The following GRAMD2B variants were observed in gnomAD, a reference collection of about 807,000 sequenced individuals.
GRAMD2B encodes the protein GRAM domain containing 2B, also known as GRAM domain-containing protein 2B.
GRAMD2B carries 41 observed loss-of-function variants against 59.2 expected under a neutral mutation model. The observed-to-expected ratio is 0.69, with a 90% CI of 0.54 to 0.90. GRAMD2B has a LOEUF of 0.90. Among genes scored for constraint, GRAMD2B ranks in the 40% least tolerant of loss-of-function variants. The pLI is 0.00. For synonymous variants in GRAMD2B, 161 were observed against 182.7 expected (o/e 0.88, Z 0.96); for missense variants, 424 against 500.5 (o/e 0.85, Z 1.46).
At chr5:126,449,570 A>G (rs1023608953) in intron 1 of GRAMD2B, among the ~76,000 whole-genome samples, 3 of 152,250 alleles carry the variant, frequency 2.0e-5, no homozygotes, top group Non-Finnish European at 4.4e-5. Flanking sequence ...ACGTATGTCT[A>G]ATATGAGGGT....
chr5:126,360,984 C>T (rs1754192488), intron 1 of GRAMD2B, among the ~76,000 whole-genome samples: 1 of 152,188 alleles, frequency 6.6e-6, no homozygotes. Context: ...GTTTTATGAG[C>T]TCCTTGTAAG....
intron 1 of GRAMD2B, among the ~76,000 whole-genome samples, chr5:126,384,260 T>C (rs547924873): frequency 2.0e-5 from 3 of 152,290 alleles, no homozygotes; most frequent in South Asian, 4.1e-4. Flanking sequence ...CGGGATACTA[T>C]AGAAGGCAGA....
In GRAMD2B at chr5:126,488,781, TTC is replaced by T; in HGVS notation, c.1164-14_1164-13del. On this transcript the variant is annotated splice_polypyrimidine_tract_variant and intron_variant, in intron 12 of 13. Transcript: ENST00000285689. Reference sequence around the variant, plus strand: ...TTGTCATCCCTGCCCATAATAATTTTTCTCTTTTTTCTTACAGACAGGCAGCA... The same window carrying T: ...TTGTCATCCCTGCCCATAATAATTTTTCTTTTTTCTTACAGACAGGCAGCA... The T allele has an allele frequency of 6.3e-7, 1 of 1,576,994 alleles. No homozygotes were observed.
chr5:126,392,099 G>A (rs1267805370), intron 1 of GRAMD2B, among the ~76,000 whole-genome samples: 2 of 152,100 alleles, frequency 1.3e-5, no homozygotes, highest in African/African-American at 4.8e-5. Flanking sequence ...TATTTTATCT[G>A]ACATTTAAGT....
chr5:126,454,222 G>A (rs1031851273), intron 1 of GRAMD2B, among the ~76,000 whole-genome samples: 8 of 152,180 alleles, frequency 5.3e-5, no homozygotes, highest in African/African-American at 1.7e-4. Context: ...CAGATGCCTC[G>A]ATCTGGTGCT....
At chr5:126,423,824 T>C (rs533348691) in intron 1 of GRAMD2B, 135 bp downstream of exon 1, 4 of 706,592 alleles carry the variant, frequency 5.7e-6, no homozygotes, top group Non-Finnish European at 6.8e-6. Flanking sequence ...GCGCTCTCTC[T>C]GTCTCTCACT....
At chr5:126,420,734 T>G (rs1759650322), upstream of GRAMD2B, among the ~76,000 whole-genome samples, 1 of 152,182 alleles carries the variant, frequency 6.6e-6, no homozygotes, top group African/African-American at 2.4e-5. Context: ...TACTCCTAGG[T>G]ATATATCCAA....
At chr5:126,401,577 C>G (rs759785536) in intron 1 of GRAMD2B, among the ~76,000 whole-genome samples, 6 of 151,918 alleles carry the variant, frequency 3.9e-5, no homozygotes, top group Admixed American at 1.3e-4. Context: ...CTCCTCCAGT[C>G]TTTACTGACT....
chr5:126,401,436 AGGT>A (rs920767511), intron 1 of GRAMD2B, among the ~76,000 whole-genome samples: 3 of 152,042 alleles, frequency 2.0e-5, no homozygotes, highest in Admixed American at 1.3e-4. Context: ...AGAAATTCAT[AGGT>A]CTCCATTTCT....
At chr5:126,377,408 C>G (rs899732814) in intron 1 of GRAMD2B, among the ~76,000 whole-genome samples, 2 of 152,098 alleles carry the variant, frequency 1.3e-5, no homozygotes, top group African/African-American at 4.8e-5. Context: ...TTCTACTGTC[C>G]AAGGCCCTGG....
At chr5:126,489,777 T>A (rs1193673796) in intron 13 of GRAMD2B, among the ~76,000 whole-genome samples, 1 of 129,816 alleles carries the variant, frequency 7.7e-6, no homozygotes, top group Admixed American at 8.2e-5. Flanking sequence ...GTTTTTACCC[T>A]AATCCTTCAG....
chr5:126,458,167 G>T (rs1208669227), intron 1 of GRAMD2B, among the ~76,000 whole-genome samples: 2 of 152,140 alleles, frequency 1.3e-5, no homozygotes, highest in African/African-American at 4.8e-5. Context: ...AGGCACAGTG[G>T]CTTGTGCCTA....
chr5:126,464,002 T>G (rs1767853824), intron 1 of GRAMD2B, among the ~76,000 whole-genome samples: 1 of 150,436 alleles, frequency 6.6e-6, no homozygotes, highest in African/African-American at 2.5e-5. Flanking sequence ...CACTCCAGCC[T>G]GGGCAACCAG....
chr5:126,435,926 A>G (rs1762338327), intron 1 of GRAMD2B, among the ~76,000 whole-genome samples: 1 of 152,216 alleles, frequency 6.6e-6, no homozygotes, highest in Non-Finnish European at 1.5e-5. Context: ...ACATATGAGC[A>G]TTCACATTGC....
intron 1 of GRAMD2B, among the ~76,000 whole-genome samples, chr5:126,406,978 A>G (rs541497052): frequency 1.3e-5 from 2 of 152,194 alleles, no homozygotes; most frequent in South Asian, 4.1e-4. Context: ...TCATAAAGCT[A>G]TCTGCTCTGT....
At chr5:126,366,769 G>C (rs559252901), upstream of GRAMD2B, among the ~76,000 whole-genome samples, 5 of 150,966 alleles carry the variant, frequency 3.3e-5, no homozygotes, top group African/African-American at 1.2e-4. Flanking sequence ...CCCACACACC[G>C]GTTTTCCATA....
At chr5:126,410,556 C>T (rs1052248013) in intron 1 of GRAMD2B, among the ~76,000 whole-genome samples, 5 of 152,106 alleles carry the variant, frequency 3.3e-5, no homozygotes, top group African/African-American at 1.2e-4. Flanking sequence ...TGAGACTTTG[C>T]TGCAGTTGCT....
chr5:126,439,082 T>G (rs1762867121), intron 1 of GRAMD2B, among the ~76,000 whole-genome samples: 1 of 152,150 alleles, frequency 6.6e-6, no homozygotes, highest in Non-Finnish European at 1.5e-5. Context: ...CAGTAAAGGT[T>G]GCTGGTGATA....
At chr5:126,362,850 A>G (rs1754278735) in intron 1 of GRAMD2B, among the ~76,000 whole-genome samples, 1 of 152,232 alleles carries the variant, frequency 6.6e-6, no homozygotes, top group South Asian at 2.1e-4. Context: ...CAGACCTTAT[A>G]TAAGAGCTAA....
Sources: allele counts gnomAD v4.1 joint callset (sites outside exome capture counted in the v4.1 genomes callset), GRCh38; gene constraint gnomAD v4.1.1; transcripts MANE v1.5; gene names NCBI Gene and HGNC (gene_info 2026-07-23, HGNC 2026-07-21).